Variants in PPIL2 observed in about 807,000 individuals in gnomAD.
PPIL2 encodes the protein peptidylprolyl isomerase like 2.
Under a neutral mutation model 75.2 loss-of-function variants are expected in PPIL2, and 50 were observed. The observed-to-expected ratio is 0.66, with a 90% CI of 0.53 to 0.84. The LOEUF (loss-of-function observed/expected upper bound fraction) is 0.84. PPIL2 is among the 40% of genes least tolerant of loss of function. PPIL2 has a pLI of 0.00. For missense variants in PPIL2, 590 were observed against 685.0 expected, an observed-to-expected ratio of 0.86 and a Z score of 1.55; for synonymous variants, 245 against 258.8, an observed-to-expected ratio of 0.95 and a Z score of 0.51.
intron 10 of PPIL2, among the ~76,000 whole-genome samples, chr22:21,686,170 A>T (rs2067351347): frequency 6.6e-6 from 1 of 152,192 alleles, no homozygotes; most frequent in African/African-American, 2.4e-5. Context: ...CTCATAAAAA[A>T]ATTAAAATAA....
chr22:21,676,278 G>GTC (rs1555894861), intron 6 of PPIL2, among the ~76,000 whole-genome samples: 11,931 of 142,262 alleles, frequency 0.084, 650 homozygotes, highest in Non-Finnish European at 0.12. Context: ...GTGTGTGTGT[G>GTC]TCTCATTCAG....
intron 1 of PPIL2, among the ~76,000 whole-genome samples, chr22:21,668,018 C>T (rs1015540559): frequency 5.9e-5 from 9 of 152,104 alleles, no homozygotes; most frequent in Non-Finnish European, 1.3e-4. Context: ...GTCGAGTGAT[C>T]GACCTACCTC....
intron 9 of PPIL2, among the ~76,000 whole-genome samples, chr22:21,684,201 T>C (rs1318074642): frequency 6.7e-6 from 1 of 148,624 alleles, no homozygotes; most frequent in Non-Finnish European, 1.5e-5. Context: ...AGCTAGACCC[T>C]GTCTCAAAAG....
downstream of PPIL2, chr22:21,699,112 A>G (rs1396587184): frequency 1.3e-5 from 2 of 152,452 alleles, no homozygotes; most frequent in African/African-American, 4.8e-5. Context: ...GTGTGTGGGC[A>G]GTGAGCTCGA....
intron 7 of PPIL2, 80 bp downstream of exon 7, chr22:21,681,470 T>A: frequency 7.8e-7 from 1 of 1,288,514 alleles, no homozygotes; most frequent in Non-Finnish European, 1.1e-6. Flanking sequence ...GGCTGGGCTG[T>A]GTGCTACGTG....
chr22:21,695,756 A>G lies in PPIL2; in HGVS notation c.*266A>G, dbSNP rs1004169146. ...CAAGCACAAGGCCTGCCCTACACCC[A>G]GGCTGGTGCCTCAGGCCTCCCCTCT... On this transcript the variant is annotated 3_prime_UTR_variant, in exon 20 of 20. Transcript: ENST00000398831. 3.1e-6 allele frequency: 4 copies of G among 1,295,360 alleles called. No homozygotes were observed. The highest frequency in any genetic ancestry group is 1.6e-5 in the South Asian group (1 of 63,834). 80.2% of individuals were successfully genotyped at this position (1,295,360 alleles called of 1,614,324 possible).
At chr22:21,666,221 C>A in intron 1 of PPIL2, 90 bp downstream of exon 1, 4 of 1,433,832 alleles carry the variant, frequency 2.8e-6, no homozygotes, top group South Asian at 1.2e-5. Flanking sequence ...TCCCTCTCAG[C>A]TACTCCCCAG....
chr22:21,681,221 C>G, intron 6 of PPIL2, 78 bp from the exon 7 acceptor site: 1 of 1,215,206 alleles, frequency 8.2e-7, no homozygotes. Context: ...CTGTCCTGCC[C>G]TGGCCCTCTG....
At position 21,696,721 on chromosome 22, in the gene PPIL2, G is replaced by C. The variant is rs939777350; in HGVS notation, c.*1231G>C. 4 of 1,536,784 alleles carry C rather than the reference G, an allele frequency of 2.6e-6. No individual in the cohort carries two copies. Among genetic ancestry groups the C allele is most frequent in the Admixed American group, 2.0e-5 (1 of 50,962 alleles). On this transcript the variant is annotated 3_prime_UTR_variant, in exon 20 of 20. Coordinates refer to ENST00000398831, the MANE Select transcript of PPIL2 (RefSeq NM_014337.4). ...CCTTGTTCTTGGTTTTCTCATTTTT[G>C]TTGCCCCAAATCTTGAACCTGTCAG...
intron 1 of PPIL2, chr22:21,669,495 G>GT (rs1178830742): frequency 2.0e-5 from 7 of 354,508 alleles, no homozygotes; most frequent in Non-Finnish European, 2.8e-5. Flanking sequence ...TATAGTAGGT[G>GT]TTTTTTTGTT....
At position 21,683,335 on chromosome 22, in the gene PPIL2, C is replaced by T. The variant is rs141193625; in HGVS notation, c.553+78C>T. 3,493 of 1,320,720 alleles carry T rather than the reference C, an allele frequency of 2.6e-3. 9 individuals carry two copies. Among genetic ancestry groups the T allele is most frequent in the East Asian group, 4.4e-3 (191 of 43,226 alleles). The allele number at this position is 1,320,720 out of a possible 1,614,324, so 81.8% of individuals were successfully genotyped here. A position where few individuals can be genotyped will look rare whatever the true frequency, so the allele number is the denominator to read the frequency against. The stretch of plus-strand genomic sequence containing the variant: ...GACAGTGCTCCCTGGGTAAAGCCCC[C>T]GCTTTCCTGGAGGTCAGGGGGTCCC... On this transcript the variant is annotated intron_variant, in intron 9 of 19. Transcript: ENST00000398831.
chr22:21,670,827 C>T, intron 3 of PPIL2, 170 bp from the exon 4 acceptor site: 1 of 857,134 alleles, frequency 1.2e-6, no homozygotes. Flanking sequence ...AGGGGTGGCA[C>T]AAACACTATT....
At chr22:21,688,898 C>T (rs370103153) in intron 15 of PPIL2, 49 bp downstream of exon 15, 3 of 1,526,564 alleles carry the variant, frequency 2.0e-6, no homozygotes, top group South Asian at 1.1e-5. Flanking sequence ...AGCCGGCACT[C>T]TCTGCGGGTT....
In PPIL2 at chr22:21,697,212, A is replaced by G; in HGVS notation, c.*1722A>G. The G allele has an allele frequency of 3.5e-6, 2 of 570,062 alleles. No individual in the cohort carries two copies. Among genetic ancestry groups the G allele is most frequent in the South Asian group, 2.0e-5 (1 of 49,956 alleles). 35.3% of individuals were successfully genotyped at this position (570,062 alleles called of 1,614,324 possible). A position where few individuals can be genotyped will look rare whatever the true frequency, so the allele number is the denominator to read the frequency against. On this transcript the variant is annotated 3_prime_UTR_variant, in exon 20 of 20. Transcript: ENST00000398831. ...GCACAGTAGGACACAGTGACTGCCCAGGTGTCCACACACCTGTAGGCCTCT... is the reference window on the plus strand; with the variant it reads ...GCACAGTAGGACACAGTGACTGCCCGGGTGTCCACACACCTGTAGGCCTCT...
intron 8 of PPIL2, among the ~76,000 whole-genome samples, chr22:21,682,932 A>G (rs2067193055): frequency 6.6e-6 from 1 of 152,124 alleles, no homozygotes; most frequent in Admixed American, 6.5e-5. Context: ...CTCGTTAGCC[A>G]TGTGCCTGGA....
intron 15 of PPIL2, among the ~76,000 whole-genome samples, chr22:21,692,798 C>T (rs1286640057): frequency 7.3e-5 from 11 of 151,370 alleles, no homozygotes; most frequent in East Asian, 4.1e-4. Context: ...TGATGGCGGG[C>T]GCCTGTAGTC....
chr22:21,697,231 G>A lies in PPIL2; in HGVS notation c.*1741G>A. On this transcript the variant is annotated 3_prime_UTR_variant, in exon 20 of 20. Transcript: ENST00000398831. The stretch of plus-strand genomic sequence containing the variant: ...CTGCCCAGGTGTCCACACACCTGTA[G>A]GCCTCTGAGCCAGCGTCCAGGGTAC... 1.9e-6 allele frequency: 1 copy of A among 539,310 alleles called. No homozygotes were observed. Among genetic ancestry groups the A allele is most frequent in the Non-Finnish European group, 3.3e-6 (1 of 299,456 alleles). The allele number at this position is 539,310 out of a possible 1,614,324, so 33.4% of individuals were successfully genotyped here.
At chr22:21,682,409 TC>T in intron 7 of PPIL2, 27 bp from the exon 8 acceptor site, 1 of 1,596,296 alleles carries the variant, frequency 6.3e-7, no homozygotes, top group Middle Eastern at 1.7e-4. Flanking sequence ...GGGGCAGGCA[TC>T]GTAAAACCAC....
At chr22:21,676,652 CAT>C (rs1380161286) in intron 6 of PPIL2, among the ~76,000 whole-genome samples, 2 of 152,088 alleles carry the variant, frequency 1.3e-5, no homozygotes, top group African/African-American at 2.4e-5. Flanking sequence ...GAACACCGCA[CAT>C]GTTTCAGAGA....
Sources: gnomAD v4.1 joint callset for allele counts (sites outside exome capture counted in the v4.1 genomes callset) on GRCh38, gnomAD v4.1.1 for gene constraint, MANE v1.5 for transcripts, NCBI Gene and HGNC (gene_info 2026-07-23, HGNC 2026-07-21) for gene names.